Variants in ZZZ3 observed in about 807,000 individuals in gnomAD.
The protein encoded by ZZZ3 is zinc finger ZZ-type containing 3, also known as ZZ-type zinc finger-containing protein 3.
In ZZZ3, 22 loss-of-function variants were observed where a neutral mutation model predicts 95.2. That is an observed-to-expected ratio of 0.23 (90% CI 0.17 to 0.33). ZZZ3 has a LOEUF of 0.33. Among genes scored for constraint, ZZZ3 ranks in the 10% least tolerant of loss-of-function variants. The pLI is 1.00. For missense variants in ZZZ3, 885 were observed against 1,066.5 expected (o/e 0.83, Z 2.37); for synonymous variants, 335 against 358.9 (o/e 0.93, Z 0.75).
At chr1:77,580,946 T>C in intron 9 of ZZZ3, 52 bp downstream of exon 9, 1 of 1,484,042 alleles carries the variant, frequency 6.7e-7, no homozygotes, top group Non-Finnish European at 9.4e-7. Flanking sequence ...GACTCTGATG[T>C]TAACTGTTTA....
rs1660636992 is a variant in ZZZ3, at chr1:77,564,204, T to G, written c.*1436A>C. Reference sequence around the variant, plus strand: ...CTAGAAAAAAAATTTTCAACTTTAGTTTTCACACCTGAGCATTAATAATTG... The same window carrying G: ...CTAGAAAAAAAATTTTCAACTTTAGGTTTCACACCTGAGCATTAATAATTG... On this transcript the variant is annotated 3_prime_UTR_variant, in exon 15 of 15. Transcript: ENST00000370801. 2.0e-5 allele frequency: 3 copies of G among 152,116 alleles called. No homozygotes were observed. The highest frequency in any genetic ancestry group is 6.5e-5 in the Admixed American group (1 of 15,272). 9.4% of individuals were successfully genotyped at this position (152,116 alleles called of 1,614,324 possible).
intron 5 of ZZZ3, among the ~76,000 whole-genome samples, chr1:77,590,680 C>T (rs1663598392): frequency 6.6e-6 from 1 of 152,150 alleles, no homozygotes; most frequent in African/African-American, 2.4e-5. Context: ...GACATTTTTG[C>T]AGATAAATGG....
intron 5 of ZZZ3, among the ~76,000 whole-genome samples, chr1:77,621,593 A>T (rs2172728): frequency 6.6e-6 from 1 of 151,566 alleles, no homozygotes; most frequent in Non-Finnish European, 1.5e-5. Flanking sequence ...AGGTGGGCGG[A>T]TGGCTTGAGC....
intron 1 of ZZZ3, among the ~76,000 whole-genome samples, chr1:77,669,240 C>CTA (rs1671522115): frequency 6.6e-6 from 1 of 152,130 alleles, no homozygotes; most frequent in Non-Finnish European, 1.5e-5. Flanking sequence ...CATCATGGAA[C>CTA]TATAGATATC....
intron 5 of ZZZ3, among the ~76,000 whole-genome samples, chr1:77,630,769 A>C (rs767088719): frequency 1.3e-5 from 2 of 152,286 alleles, no homozygotes; most frequent in East Asian, 1.9e-4. Flanking sequence ...TACCATATAC[A>C]AATCTACACT....
At chr1:77,659,623 C>A (rs1557771289) in intron 1 of ZZZ3, among the ~76,000 whole-genome samples, 1 of 146,888 alleles carries the variant, frequency 6.8e-6, no homozygotes, top group African/African-American at 2.5e-5. Context: ...GTGGAGGTTG[C>A]AGTGAGCCGA....
At chr1:77,573,007 T>C (rs560511729) in intron 12 of ZZZ3, among the ~76,000 whole-genome samples, 35 of 152,284 alleles carry the variant, frequency 2.3e-4, no homozygotes, top group African/African-American at 8.4e-4. Context: ...TTATCCATAC[T>C]TCAAGTACCA....
intron 1 of ZZZ3, among the ~76,000 whole-genome samples, chr1:77,649,611 G>A (rs886292508): frequency 7.9e-5 from 12 of 152,104 alleles, no homozygotes; most frequent in African/African-American, 2.9e-4. Flanking sequence ...GGCCGGGCAT[G>A]GTGGCTCATG....
chr1:77,576,072 G>C lies in ZZZ3; in HGVS notation c.2327C>G (p.Ala776Gly), dbSNP rs1440256669. The change falls in exon 12 of 15, where the codon GCA becomes GGA. Residue 776 changes from alanine (A) to glycine (G), a missense_variant. Ala to Gly is a moderately conservative substitution (Grantham distance 60, BLOSUM62 0). Coordinates refer to ENST00000370801, the MANE Select transcript of ZZZ3 (RefSeq NM_015534.6). ...AACTTGATGTGTATAACTTACTGAT[G>C]CATCTTCAACAGCAGTGTTCATGTG... ...HSHMNTAVED[A>G]SDDESIPIMY... The C allele has an allele frequency of 6.2e-7, 1 of 1,603,652 alleles. No individual in the cohort carries two copies. The highest frequency in any genetic ancestry group is 8.5e-7 in the Non-Finnish European group (1 of 1,176,988).
Position 77,584,617 on chromosome 1 carries a change from G to C in ZZZ3, c.1544C>G (p.Ala515Gly). The change falls in exon 6 of 15, where the codon GCT becomes GGT. Residue 515 changes from alanine (A) to glycine (G), a missense_variant. By Grantham distance (60) the Ala-to-Gly change is moderately conservative. Coordinates refer to ENST00000370801, the MANE Select transcript of ZZZ3 (RefSeq NM_015534.6). Reference protein sequence around the residue: ...RLLQTIAVLEAQRSQAVQDLE... With the variant: ...RLLQTIAVLEGQRSQAVQDLE... ...GTCTTGGACTGCTTGAGAACGCTGA[G>C]CCTCGAGTACAGCAATCGTCTGTAA... is the stretch of plus-strand genomic sequence containing the variant. 1 of 1,611,312 alleles carries C rather than the reference G, an allele frequency of 6.2e-7. No homozygotes were observed. The highest frequency in any genetic ancestry group is 8.5e-7 in the Non-Finnish European group (1 of 1,179,066).
rs981275784 is a variant in ZZZ3, at chr1:77,565,078, T to C, written c.*562A>G. ...GTTGGTAATTAAGGACAATTCATTG[T>C]GGTTAAAAGAAATTAGATATCAATA... On this transcript the variant is annotated 3_prime_UTR_variant, in exon 15 of 15. Coordinates refer to ENST00000370801, the MANE Select transcript of ZZZ3 (RefSeq NM_015534.6). The C allele has an allele frequency of 1.3e-5, 2 of 152,654 alleles. No homozygotes were observed. The highest frequency in any genetic ancestry group is 4.8e-5 in the African/African-American group (2 of 41,460). The allele number at this position is 152,654 out of a possible 1,614,324, so 9.5% of individuals were successfully genotyped here. A position where few individuals can be genotyped will look rare whatever the true frequency, so the allele number is the denominator to read the frequency against.
intron 1 of ZZZ3, among the ~76,000 whole-genome samples, chr1:77,654,337 T>C (rs1488135483): frequency 6.6e-6 from 1 of 152,190 alleles, no homozygotes; most frequent in East Asian, 1.9e-4. Flanking sequence ...CAAACTCTTC[T>C]AGAAAACTGA....
chr1:77,656,605 T>A (rs1670288495), intron 1 of ZZZ3, among the ~76,000 whole-genome samples: 1 of 152,236 alleles, frequency 6.6e-6, no homozygotes, highest in Non-Finnish European at 1.5e-5. Context: ...TATCAAAATA[T>A]TGAGACCTTG....
intron 1 of ZZZ3, among the ~76,000 whole-genome samples, chr1:77,648,186 C>T (rs1333566293): frequency 6.6e-6 from 1 of 151,600 alleles, no homozygotes; most frequent in Non-Finnish European, 1.5e-5. Flanking sequence ...GGCAAGACCC[C>T]ATTTCTACAA....
intron 1 of ZZZ3, among the ~76,000 whole-genome samples, chr1:77,648,720 C>T (rs547285282): frequency 1.7e-4 from 26 of 152,122 alleles, no homozygotes; most frequent in African/African-American, 4.8e-4. Flanking sequence ...ATCATCAAGA[C>T]GCCTAAAACA....
chr1:77,656,614 T>G (rs1293950503), intron 1 of ZZZ3, among the ~76,000 whole-genome samples: 1 of 152,224 alleles, frequency 6.6e-6, no homozygotes, highest in Non-Finnish European at 1.5e-5. Context: ...ATTGAGACCT[T>G]GAATCTTATC....
At position 77,563,416 on chromosome 1, in the gene ZZZ3, T is replaced by C. The variant is rs1261118115; in HGVS notation, c.*2224A>G. ...CAGGGCCTTTTAAAGCCATGGGGGC[T>C]GTTTCCTTGGAGCTGAAAAATGCAA... On this transcript the variant is annotated 3_prime_UTR_variant, in exon 15 of 15. Coordinates refer to ENST00000370801, the MANE Select transcript of ZZZ3 (RefSeq NM_015534.6). 2.0e-5 allele frequency: 3 copies of C among 152,188 alleles called. No individual in the cohort carries two copies. The highest frequency in any genetic ancestry group is 6.6e-5 in the Admixed American group (1 of 15,266). 9.4% of individuals were successfully genotyped at this position (152,188 alleles called of 1,614,324 possible).
intron 1 of ZZZ3, among the ~76,000 whole-genome samples, chr1:77,656,115 A>G (rs1670248154): frequency 6.6e-6 from 1 of 152,234 alleles, no homozygotes; most frequent in African/African-American, 2.4e-5. Flanking sequence ...TAATTTTTAC[A>G]AATGTTTCCC....
intron 5 of ZZZ3, among the ~76,000 whole-genome samples, chr1:77,607,358 G>A (rs1021281467): frequency 2.0e-5 from 3 of 152,130 alleles, no homozygotes; most frequent in Non-Finnish European, 2.9e-5. Context: ...TTGACACATG[G>A]GGATTATTAC....
Sources: allele counts gnomAD v4.1 joint callset (sites outside exome capture counted in the v4.1 genomes callset), GRCh38; gene constraint gnomAD v4.1.1; transcripts MANE v1.5; gene names NCBI Gene and HGNC (gene_info 2026-07-23, HGNC 2026-07-21).